Variants in FOXP2 observed in about 807,000 individuals in gnomAD.
The protein encoded by FOXP2 is forkhead box protein P2.
FOXP2 carries 12 observed loss-of-function variants against 115.8 expected under a neutral mutation model. The ratio of observed to expected loss-of-function variants is 0.10; its 90% CI spans 0.07 to 0.17. FOXP2 has a LOEUF of 0.17. FOXP2 is among the 10% of genes least tolerant of loss of function. The pLI is 1.00. For missense variants in FOXP2, 629 were observed against 843.5 expected (o/e 0.75, Z 3.15); for synonymous variants, 328 against 297.7 (o/e 1.10, Z -1.05).
At chr7:114,201,601 G>T (rs1001509488) in intron 1 of FOXP2, among the ~76,000 whole-genome samples, 1 of 151,950 alleles carries the variant, frequency 6.6e-6, no homozygotes, top group African/African-American at 2.4e-5. Flanking sequence ...TCTATTAAAG[G>T]ATTATAGTTG....
At chr7:114,643,716 T>C (rs1805711285) in intron 7 of FOXP2, among the ~76,000 whole-genome samples, 1 of 152,168 alleles carries the variant, frequency 6.6e-6, no homozygotes, top group Non-Finnish European at 1.5e-5. Context: ...GTTCATAAAC[T>C]AAAATATTGT....
In FOXP2 at chr7:114,630,928, C is replaced by A. The variant is rs1283009382; in HGVS notation, c.598-600C>A. On this transcript the variant is annotated intron_variant, in intron 5 of 16. Coordinates refer to ENST00000350908, the MANE Select transcript of FOXP2 (RefSeq NM_014491.4). The stretch of plus-strand genomic sequence containing the variant: ...CTCATACCCTCTGGAGTCCAAAGAC[C>A]TCTGGTTTGTCTTGTAATGCCTCAC... 3 of 154,032 alleles carry A rather than the reference C, an allele frequency of 1.9e-5. 1 individual carries two copies. The highest frequency in any genetic ancestry group is 1.9e-4 in the Admixed American group (3 of 15,624). The allele number at this position is 154,032 out of a possible 1,614,324, so 9.5% of individuals were successfully genotyped here.
Position 114,594,277 on chromosome 7 carries a change from A to G in FOXP2, c.259-34263A>G, listed in dbSNP as rs185147741. ...CAAGTTCACCTATTAAATTTGCTCA[A>G]TGTCCTGTGGGGCTAATGAGAGGTT... On this transcript the variant is annotated intron_variant, in intron 3 of 16. Transcript: ENST00000350908. Among the ~76,000 whole-genome samples the G allele has an allele frequency of 1.6e-4, 25 of 152,116 alleles. No homozygotes were observed. In the East Asian group the frequency reaches 4.6e-3, roughly 28 times the overall value.
chr7:114,475,718 T>A (rs530262155), intron 2 of FOXP2, among the ~76,000 whole-genome samples: 11 of 152,126 alleles, frequency 7.2e-5, no homozygotes, highest in South Asian at 2.1e-4. Flanking sequence ...TAATTAATAA[T>A]CAAAAACATC....
At chr7:114,551,317 G>T (rs1449008466) in intron 3 of FOXP2, among the ~76,000 whole-genome samples, 1 of 152,170 alleles carries the variant, frequency 6.6e-6, no homozygotes, top group Non-Finnish European at 1.5e-5. Context: ...TCCTCAGGGA[G>T]TTGACAATCT....
At chr7:114,403,538 T>C (rs950321378) in intron 2 of FOXP2, among the ~76,000 whole-genome samples, 2 of 152,198 alleles carry the variant, frequency 1.3e-5, no homozygotes, top group African/African-American at 4.8e-5. Flanking sequence ...TCAAGTATTA[T>C]TTACCATAGA....
At chr7:114,317,937 C>G (rs1212811354) in intron 2 of FOXP2, among the ~76,000 whole-genome samples, 1 of 152,094 alleles carries the variant, frequency 6.6e-6, no homozygotes, top group Non-Finnish European at 1.5e-5. Flanking sequence ...CTGGGTTGCT[C>G]TTCCTCCATT....
intron 1 of FOXP2, among the ~76,000 whole-genome samples, chr7:114,191,664 CAG>C (rs1188243730): frequency 1.3e-5 from 2 of 152,166 alleles, no homozygotes; most frequent in Non-Finnish European, 2.9e-5. Flanking sequence ...TTTGTAAGTA[CAG>C]AGTTTCCATT....
intron 2 of FOXP2, among the ~76,000 whole-genome samples, chr7:114,334,739 C>A (rs1467767668): frequency 2.6e-5 from 4 of 150,952 alleles, no homozygotes; most frequent in Non-Finnish European, 4.4e-5. Flanking sequence ...TTCTTCCAAA[C>A]AAACTGATTT....
intron 2 of FOXP2, among the ~76,000 whole-genome samples, chr7:114,483,091 A>T (rs1187961203): frequency 6.6e-6 from 1 of 151,638 alleles, no homozygotes; most frequent in Non-Finnish European, 1.5e-5. Context: ...TCCGCAAGTT[A>T]GTTTTCATTT....
intron 1 of FOXP2, among the ~76,000 whole-genome samples, chr7:114,219,529 T>C (rs1180957396): frequency 6.6e-6 from 1 of 152,230 alleles, no homozygotes; most frequent in Non-Finnish European, 1.5e-5. Flanking sequence ...CGACCTACTT[T>C]ATTAGGCAAA....
In FOXP2 at chr7:114,642,781, TATA is replaced by T. The variant is rs1563054348; in HGVS notation, c.989+159_989+161del. 9.5e-5 allele frequency among the ~76,000 whole-genome samples: 8 copies of T among 83,946 alleles called. No homozygotes were observed. In the East Asian group the frequency reaches 8.2e-3, roughly 86 times the overall value. The allele number at this position is 83,946 out of a possible 152,430, so 55.1% of individuals were successfully genotyped here. A position where few individuals can be genotyped will look rare whatever the true frequency, so the allele number is the denominator to read the frequency against. ...ATTATTTATCTTATTTTATATATAA[TATA>T]TATATATATATATATATATATATAT... On this transcript the variant is annotated intron_variant, in intron 7 of 16. Transcript: ENST00000350908.
intron 1 of FOXP2, among the ~76,000 whole-genome samples, chr7:114,238,489 A>G (rs1016425810): frequency 5.9e-5 from 9 of 152,202 alleles, no homozygotes; most frequent in African/African-American, 2.2e-4. Flanking sequence ...TAAGAGTTAA[A>G]TGCCTTGGCG....
intron 1 of FOXP2, among the ~76,000 whole-genome samples, chr7:114,239,261 T>G (rs957020876): frequency 1.3e-5 from 2 of 152,086 alleles, no homozygotes; most frequent in Non-Finnish European, 2.9e-5. Context: ...CAGTAGTAAA[T>G]GTAACATGTA....
intron 2 of FOXP2, among the ~76,000 whole-genome samples, chr7:114,387,077 C>T (rs1248609573): frequency 6.6e-6 from 1 of 152,096 alleles, no homozygotes; most frequent in African/African-American, 2.4e-5. Context: ...AAGTTAAGTG[C>T]TATATAAACA....
chr7:114,255,013 C>T (rs1355483466), intron 1 of FOXP2, among the ~76,000 whole-genome samples: 2 of 152,190 alleles, frequency 1.3e-5, no homozygotes, highest in African/African-American at 4.8e-5. Context: ...TTCTAACAAT[C>T]AGGACCCTCA....
intron 3 of FOXP2, among the ~76,000 whole-genome samples, chr7:114,617,533 C>T (rs761320070): frequency 1.3e-5 from 2 of 152,210 alleles, no homozygotes; most frequent in Middle Eastern, 3.2e-3. Flanking sequence ...GCGGCTCACG[C>T]GTGTAATCCC....
intron 2 of FOXP2, among the ~76,000 whole-genome samples, chr7:114,295,597 G>C (rs752016917): frequency 6.6e-6 from 1 of 152,080 alleles, no homozygotes; most frequent in East Asian, 1.9e-4. Flanking sequence ...TTAAACTGTT[G>C]GCAATTTGAG....
At chr7:114,242,087 C>G (rs1795170067) in intron 1 of FOXP2, among the ~76,000 whole-genome samples, 1 of 150,382 alleles carries the variant, frequency 6.6e-6, no homozygotes, top group African/African-American at 2.5e-5. Flanking sequence ...GCAAGAAGAG[C>G]TGTTGAATGA....
Sources: gnomAD v4.1 joint callset for allele counts (sites outside exome capture counted in the v4.1 genomes callset) on GRCh38, gnomAD v4.1.1 for gene constraint, MANE v1.5 for transcripts, NCBI Gene and HGNC (gene_info 2026-07-23, HGNC 2026-07-21) for gene names.